Variants in CTNNA3 observed in about 807,000 individuals in gnomAD.
The protein encoded by CTNNA3 is catenin alpha-3.
A neutral mutation model predicts 95.7 loss-of-function variants in CTNNA3; 76 were observed. The ratio of observed to expected loss-of-function variants is 0.79; its 90% CI spans 0.66 to 0.96. CTNNA3 has a LOEUF of 0.96. CTNNA3 is among the 40% of genes least tolerant of loss of function. CTNNA3 has a pLI of 0.00. For synonymous variants in CTNNA3, 431 were observed against 374.4 expected (o/e 1.15, Z -1.74); for missense variants, 1,191 against 1,089.8 (o/e 1.09, Z -1.31).
chr10:67,335,808 T>G (rs1209599450), intron 5 of CTNNA3, among the ~76,000 whole-genome samples: 2 of 152,190 alleles, frequency 1.3e-5, no homozygotes, highest in East Asian at 1.9e-4. Context: ...ATCGACAACG[T>G]TGAGAACTTA....
At chr10:65,992,365 G>C (rs142951080) in intron 15 of CTNNA3, among the ~76,000 whole-genome samples, 285 of 152,130 alleles carry the variant, frequency 1.9e-3, no homozygotes, top group African/African-American at 6.6e-3. Flanking sequence ...AGCAATAAAG[G>C]AACCAATTCT....
At chr10:66,055,101 A>G (rs1380693937) in intron 15 of CTNNA3, among the ~76,000 whole-genome samples, 1 of 152,110 alleles carries the variant, frequency 6.6e-6, no homozygotes, top group Non-Finnish European at 1.5e-5. Context: ...TTATGCCAGT[A>G]TCATGCTGTT....
intron 7 of CTNNA3, among the ~76,000 whole-genome samples, chr10:67,095,832 A>G (rs916228425): frequency 6.6e-6 from 1 of 151,912 alleles, no homozygotes; most frequent in Non-Finnish European, 1.5e-5. Context: ...GTTCTCTTCT[A>G]TAACTCAAAT....
At chr10:66,841,404 T>C (rs1271630503) in intron 7 of CTNNA3, among the ~76,000 whole-genome samples, 1 of 152,226 alleles carries the variant, frequency 6.6e-6, no homozygotes, top group African/African-American at 2.4e-5. Context: ...CTAAAACAAG[T>C]ATTCATCAAT....
chr10:67,058,227 T>A (rs949466596), intron 7 of CTNNA3, among the ~76,000 whole-genome samples: 9 of 152,158 alleles, frequency 5.9e-5, no homozygotes, highest in Admixed American at 5.2e-4. Flanking sequence ...ACCACTACAC[T>A]GCAACAACTT....
intron 10 of CTNNA3, among the ~76,000 whole-genome samples, chr10:66,608,597 C>A (rs1844215251): frequency 6.6e-6 from 1 of 151,802 alleles, no homozygotes; most frequent in African/African-American, 2.4e-5. Context: ...AAACAGAGAC[C>A]AATGGAATAG....
chr10:67,574,200 G>A (rs1228264586), intron 3 of CTNNA3, among the ~76,000 whole-genome samples: 1 of 152,182 alleles, frequency 6.6e-6, no homozygotes, highest in African/African-American at 2.4e-5. Flanking sequence ...CAATCTGGAG[G>A]AAGCAGGTTT....
chr10:67,424,801 A>T (rs1469146011), intron 5 of CTNNA3, among the ~76,000 whole-genome samples: 2 of 152,066 alleles, frequency 1.3e-5, no homozygotes, highest in African/African-American at 4.8e-5. Flanking sequence ...GTGTTTGATG[A>T]TGTTGTCAAT....
chr10:66,766,475 C>A, intron 8 of CTNNA3, 59 bp from the exon 9 acceptor site: 2 of 1,464,768 alleles, frequency 1.4e-6, no homozygotes, highest in Admixed American at 2.0e-5. Context: ...ACTGTGTTTC[C>A]TTTTCTTACA....
intron 7 of CTNNA3, among the ~76,000 whole-genome samples, chr10:66,875,055 C>T (rs904165791): frequency 1.3e-5 from 2 of 152,154 alleles, no homozygotes; most frequent in African/African-American, 4.8e-5. Context: ...GGATTAGATG[C>T]AGCCAGGGAG....
At chr10:67,049,030 GTTT>G (rs3998950) in intron 7 of CTNNA3, among the ~76,000 whole-genome samples, 64,485 of 145,044 alleles carry the variant, frequency 0.44, 15,442 homozygotes, top group East Asian at 0.65. Flanking sequence ...ATGATAACTG[GTTT>G]TTTTTTTTTT....
At chr10:67,591,856 C>A (rs575922885) in intron 3 of CTNNA3, among the ~76,000 whole-genome samples, 11 of 152,142 alleles carry the variant, frequency 7.2e-5, no homozygotes, top group Admixed American at 2.0e-4. Flanking sequence ...AGGATAAATA[C>A]CAAGAAAACC....
intron 7 of CTNNA3, among the ~76,000 whole-genome samples, chr10:67,083,342 C>T (rs1319756008): frequency 6.6e-6 from 1 of 151,778 alleles, no homozygotes; most frequent in Non-Finnish European, 1.5e-5. Flanking sequence ...GAAACAGTTC[C>T]AATCAGTTAT....
intron 5 of CTNNA3, among the ~76,000 whole-genome samples, chr10:67,454,901 C>T (rs1019862946): frequency 6.6e-6 from 1 of 151,952 alleles, no homozygotes; most frequent in African/African-American, 2.4e-5. Flanking sequence ...TAGAGAATTA[C>T]AAAATAAAGA....
At chr10:65,947,096 T>A (rs1055768402) in intron 17 of CTNNA3, among the ~76,000 whole-genome samples, 2 of 150,718 alleles carry the variant, frequency 1.3e-5, no homozygotes, top group Non-Finnish European at 3.0e-5. Flanking sequence ...GTTTGTTTTT[T>A]TTTTTTTTGT....
chr10:67,252,657 C>T (rs1866157205), intron 5 of CTNNA3, among the ~76,000 whole-genome samples: 1 of 152,138 alleles, frequency 6.6e-6, no homozygotes. Context: ...ATTACATAGG[C>T]ATTGTGACAT....
intron 7 of CTNNA3, among the ~76,000 whole-genome samples, chr10:66,840,078 A>T (rs1226010249): frequency 1.3e-5 from 2 of 152,124 alleles, no homozygotes; most frequent in Non-Finnish European, 2.9e-5. Flanking sequence ...GGTGATGCCC[A>T]CTTGAGAAGC....
chr10:66,341,961 G>GTA (rs747908721), intron 12 of CTNNA3, among the ~76,000 whole-genome samples: 15 of 151,226 alleles, frequency 9.9e-5, no homozygotes, highest in African/African-American at 2.4e-4. Flanking sequence ...GTGTGTGTGT[G>GTA]TATATATATA....
At chr10:66,796,059 T>C (rs1841178196) in intron 7 of CTNNA3, among the ~76,000 whole-genome samples, 1 of 152,156 alleles carries the variant, frequency 6.6e-6, no homozygotes. Context: ...GTTGTTTTGC[T>C]TTCTCATCAT....
Sources: allele counts gnomAD v4.1 joint callset (sites outside exome capture counted in the v4.1 genomes callset), GRCh38; gene constraint gnomAD v4.1.1; transcripts MANE v1.5; gene names NCBI Gene and HGNC (gene_info 2026-07-23, HGNC 2026-07-21).